The following TJP1 variants were observed in gnomAD, a reference collection of about 807,000 sequenced individuals.
TJP1 encodes the protein tight junction protein 1.
Under a neutral mutation model 194.2 loss-of-function variants are expected in TJP1, and 43 were observed. The ratio of observed to expected loss-of-function variants is 0.22; its 90% CI spans 0.17 to 0.29. The LOEUF is 0.29. TJP1 is among the 10% of genes least tolerant of loss of function. The probability of loss-of-function intolerance (pLI) is 1.00; values close to 1 mark genes in which losing one functional copy is unlikely to be tolerated. For synonymous variants in TJP1, 801 were observed against 779.0 expected, an observed-to-expected ratio of 1.03 and a Z score of -0.47; for missense variants, 1,971 against 2,185.7, an observed-to-expected ratio of 0.90 and a Z score of 1.96.
intron 1 of TJP1, among the ~76,000 whole-genome samples, chr15:29,810,895 T>G (rs987748043): frequency 6.6e-6 from 1 of 152,226 alleles, no homozygotes; most frequent in Non-Finnish European, 1.5e-5. Context: ...TACTAGACAC[T>G]GTGTTAAACT....
intron 2 of TJP1, among the ~76,000 whole-genome samples, chr15:29,790,817 TATTTC>T (rs1429851381): frequency 1.3e-5 from 2 of 151,922 alleles, no homozygotes; most frequent in East Asian, 3.9e-4. Context: ...GTGCCTGGCT[TATTTC>T]ATTTAACGTA....
At chr15:29,729,971 G>A (rs1394949789) in intron 15 of TJP1, among the ~76,000 whole-genome samples, 2 of 152,044 alleles carry the variant, frequency 1.3e-5, no homozygotes, top group African/African-American at 4.8e-5. Flanking sequence ...ACAAAGCAGG[G>A]CATAAACAAG....
At chr15:29,932,381 A>G (rs2054748382) in intron 2 of TJP1, among the ~76,000 whole-genome samples, 1 of 152,228 alleles carries the variant, frequency 6.6e-6, no homozygotes, top group Non-Finnish European at 1.5e-5. Context: ...ATCAGTATGG[A>G]AAGGATGAAA....
intron 2 of TJP1, among the ~76,000 whole-genome samples, chr15:29,784,589 C>G (rs1052988185): frequency 6.6e-6 from 1 of 152,068 alleles, no homozygotes; most frequent in Non-Finnish European, 1.5e-5. Flanking sequence ...CATGAGTCAC[C>G]GTACCCAGCC....
intron 2 of TJP1, among the ~76,000 whole-genome samples, chr15:29,900,750 A>G (rs887387920): frequency 3.3e-5 from 5 of 152,204 alleles, no homozygotes; most frequent in Non-Finnish European, 7.4e-5. Flanking sequence ...CTTAGGTTCA[A>G]GTTTACAAAC....
At chr15:29,748,213 T>C (rs1342637615) in intron 8 of TJP1, among the ~76,000 whole-genome samples, 1 of 152,214 alleles carries the variant, frequency 6.6e-6, no homozygotes, top group Non-Finnish European at 1.5e-5. Flanking sequence ...TATTTCATCA[T>C]CTAAGTTATT....
chr15:29,777,289 G>C (rs2047077029), intron 2 of TJP1, among the ~76,000 whole-genome samples: 1 of 152,130 alleles, frequency 6.6e-6, no homozygotes, highest in South Asian at 2.1e-4. Context: ...GGGCTACAAA[G>C]CCCACAGTTT....
intron 2 of TJP1, among the ~76,000 whole-genome samples, chr15:29,855,697 A>C (rs570852985): frequency 5.9e-5 from 9 of 152,234 alleles, no homozygotes; most frequent in Admixed American, 1.3e-4. Context: ...CTCTACTAAA[A>C]ATACAAAAAC....
chr15:29,704,679 G>T (rs756825098), intron 26 of TJP1, among the ~76,000 whole-genome samples: 1 of 152,166 alleles, frequency 6.6e-6, no homozygotes, highest in Non-Finnish European at 1.5e-5. Flanking sequence ...AGCTAGCCAC[G>T]TGCAGGCAGT....
At chr15:29,709,954 T>C (rs944256669) in intron 24 of TJP1, among the ~76,000 whole-genome samples, 10 of 152,156 alleles carry the variant, frequency 6.6e-5, no homozygotes, top group Non-Finnish European at 1.0e-4. Flanking sequence ...GTGACCAGCC[T>C]GGCTAACATG....
chr15:29,874,914 C>T (rs2052645716), intron 2 of TJP1, among the ~76,000 whole-genome samples: 1 of 152,154 alleles, frequency 6.6e-6, no homozygotes, highest in East Asian at 1.9e-4. Context: ...CTAATAATTA[C>T]AAGAAGCAAA....
intron 2 of TJP1, among the ~76,000 whole-genome samples, chr15:29,786,931 A>C (rs1370072445): frequency 6.6e-6 from 1 of 152,164 alleles, no homozygotes; most frequent in Non-Finnish European, 1.5e-5. Context: ...ACCTTACTTC[A>C]CATGGTTAAC....
At chr15:29,793,662 A>C (rs764988258) in intron 2 of TJP1, among the ~76,000 whole-genome samples, 1 of 152,136 alleles carries the variant, frequency 6.6e-6, no homozygotes, top group Non-Finnish European at 1.5e-5. Context: ...AGAACTCACT[A>C]ACTATATAGT....
chr15:29,791,546 G>T (rs1363582641), intron 2 of TJP1, among the ~76,000 whole-genome samples: 1 of 148,050 alleles, frequency 6.8e-6, no homozygotes, highest in Non-Finnish European at 1.5e-5. Context: ...TCAGCCTCGC[G>T]AGTAGCTGGG....
chr15:29,791,002 T>C (rs957199551), intron 2 of TJP1, among the ~76,000 whole-genome samples: 14 of 152,134 alleles, frequency 9.2e-5, no homozygotes, highest in East Asian at 3.9e-4. Flanking sequence ...GCAATAAACA[T>C]GGGAGTGCAG....
In TJP1 at chr15:29,733,154, G is replaced by A. The variant is rs201315605; in HGVS notation, c.1676C>T (p.Ala559Val). 1.2e-6 allele frequency: 2 copies of A among 1,614,050 alleles called. No homozygotes were observed. Among genetic ancestry groups the A allele is most frequent in the South Asian group, 2.2e-5 (2 of 91,082 alleles). Residue 559 changes from alanine (A) to valine (V), a missense_variant, in exon 13 of 28, where the codon GCT (alanine) becomes GTT (valine). Physicochemically the swap from Ala to Val is moderately conservative, Grantham distance 64. Around this residue, in one of 5 missense-constraint regions of TJP1, gnomAD observed 402 missense variants for 484.2 expected, o/e 0.83. Coordinates refer to ENST00000614355, the MANE Select transcript of TJP1 (RefSeq NM_001330239.4). ...CTTATGATTTTTACCAATTCGAATA[G>A]CAAGCCAAGAGCCCAGTTTTCCATT... ...LYNGKLGSWL[A>V]IRIGKNHKEV...
chr15:29,834,097 G>A (rs1023771454), intron 2 of TJP1, among the ~76,000 whole-genome samples: 2 of 149,712 alleles, frequency 1.3e-5, no homozygotes, highest in African/African-American at 4.9e-5. Context: ...TAGCCACGAT[G>A]GTCTCAATCT....
intron 9 of TJP1, 152 bp downstream of exon 9, chr15:29,742,490 G>T: frequency 2.6e-6 from 2 of 770,528 alleles, no homozygotes; most frequent in Non-Finnish European, 3.7e-6. Context: ...GTGCCAACCT[G>T]CTACCCATAA....
intron 4 of TJP1, among the ~76,000 whole-genome samples, chr15:29,771,755 A>G (rs372404852): frequency 6.6e-6 from 1 of 151,742 alleles, no homozygotes. Context: ...CAGTGAGCCG[A>G]GACCGTACCA....
Sources: gnomAD v4.1 joint callset for allele counts (sites outside exome capture counted in the v4.1 genomes callset) on GRCh38, gnomAD v4.1.1 for gene constraint, gnomAD v4.1.1 regional missense constraint, MANE v1.5 for transcripts, NCBI Gene and HGNC (gene_info 2026-07-23, HGNC 2026-07-21) for gene names.